Variants in CNTNAP3 observed in about 807,000 individuals in gnomAD.
The protein encoded by CNTNAP3 is contactin-associated protein-like 3.
In CNTNAP3, 36 loss-of-function variants were observed where a neutral mutation model predicts 92.1. The observed-to-expected ratio is 0.39, with a 90% CI of 0.30 to 0.52. CNTNAP3 has a LOEUF of 0.52. CNTNAP3 is among the 20% of genes least tolerant of loss of function. CNTNAP3 has a pLI of 0.76. For missense variants in CNTNAP3, 534 were observed against 1,069.6 expected, an observed-to-expected ratio of 0.50 and a Z score of 6.98; for synonymous variants, 232 against 422.3, an observed-to-expected ratio of 0.55 and a Z score of 5.53.
chr9:39,154,918 C>T (rs1413796132), intron 9 of CNTNAP3: 8 of 201,082 alleles, frequency 4.0e-5, no homozygotes, highest in East Asian at 1.7e-4. Flanking sequence ...TGGGCGACGC[C>T]GCAGAGAAAG....
chr9:39,128,361 A>C (rs1821197524), intron 13 of CNTNAP3, among the ~76,000 whole-genome samples: 1 of 152,132 alleles, frequency 6.6e-6, no homozygotes, highest in Admixed American at 6.5e-5. Context: ...TTAATAAATG[A>C]AACACATTAG....
rs1825545439 is a variant in CNTNAP3, at chr9:39,067,933, T to C, written c.*5957A>G. On this transcript the variant is annotated 3_prime_UTR_variant, in exon 24 of 24. Transcript: ENST00000297668. ...TGGTATAGCCCATGGCAACCACCTC[T>C]ATTCATGGTTGTATGTGAACATGCA... Among the ~76,000 whole-genome samples, 3 of 152,310 alleles carry C rather than the reference T, an allele frequency of 2.0e-5. No individual in the cohort carries two copies. Among genetic ancestry groups the C allele is most frequent in the Admixed American group, 1.3e-4 (2 of 15,294 alleles).
chr9:39,110,988 A>G (rs1826734138), intron 14 of CNTNAP3, among the ~76,000 whole-genome samples: 1 of 152,126 alleles, frequency 6.6e-6, no homozygotes, highest in South Asian at 2.1e-4. Flanking sequence ...ACAATAATTG[A>G]TATTTCATCA....
intron 19 of CNTNAP3, among the ~76,000 whole-genome samples, chr9:39,087,127 G>A (rs1421997699): frequency 1.4e-4 from 21 of 151,948 alleles, no homozygotes; most frequent in Non-Finnish European, 1.8e-4. Context: ...AAAATGAAAA[G>A]GTTTAAATTA....
At chr9:39,093,894 G>A (rs1383755773) in intron 18 of CNTNAP3, among the ~76,000 whole-genome samples, 2 of 151,130 alleles carry the variant, frequency 1.3e-5, no homozygotes, top group Non-Finnish European at 3.0e-5. Context: ...GAATTGCTGG[G>A]TTCGAAGGTA....
At chr9:39,115,908 A>G (rs1413123669) in intron 14 of CNTNAP3, among the ~76,000 whole-genome samples, 1 of 151,286 alleles carries the variant, frequency 6.6e-6, no homozygotes, top group Non-Finnish European at 1.5e-5. Flanking sequence ...AGTCTACAAT[A>G]AAGTATGCAC....
At chr9:39,081,118 G>A (rs1018248672) in intron 21 of CNTNAP3, among the ~76,000 whole-genome samples, 2 of 151,522 alleles carry the variant, frequency 1.3e-5, no homozygotes, top group African/African-American at 4.9e-5. Context: ...TGAAAGAAAG[G>A]CATTCCTTTG....
intron 18 of CNTNAP3, among the ~76,000 whole-genome samples, chr9:39,097,761 T>A (rs1576784): frequency 0.095 from 10,957 of 115,658 alleles, 700 homozygotes; most frequent in East Asian, 0.17. Flanking sequence ...GGGGAGGTGC[T>A]GGGAGAGGGT....
At chr9:39,141,952 G>T (rs1010961337) in intron 11 of CNTNAP3, among the ~76,000 whole-genome samples, 1 of 152,002 alleles carries the variant, frequency 6.6e-6, no homozygotes, top group Non-Finnish European at 1.5e-5. Flanking sequence ...TATACAATTA[G>T]AAATACAAAA....
chr9:39,086,888 T>C, intron 19 of CNTNAP3, 39 bp from the exon 20 acceptor site: 1 of 1,469,328 alleles, frequency 6.8e-7, no homozygotes, highest in Non-Finnish European at 9.3e-7. Flanking sequence ...ATTAAAGTGG[T>C]ATTTTATAAA....
At chr9:39,117,401 A>G (rs541180193) in intron 14 of CNTNAP3, among the ~76,000 whole-genome samples, 3 of 152,212 alleles carry the variant, frequency 2.0e-5, no homozygotes, top group South Asian at 4.1e-4. Context: ...TATTACAAAT[A>G]AAAAAAAGAA....
At chr9:39,134,261 C>T (rs974250739) in intron 12 of CNTNAP3, among the ~76,000 whole-genome samples, 1 of 151,946 alleles carries the variant, frequency 6.6e-6, no homozygotes, top group Non-Finnish European at 1.5e-5. Context: ...GCCACAAGTA[C>T]AGAAAAAAAT....
intron 13 of CNTNAP3, among the ~76,000 whole-genome samples, chr9:39,125,676 T>C (rs1821137878): frequency 6.6e-6 from 1 of 151,924 alleles, no homozygotes; most frequent in Admixed American, 6.6e-5. Flanking sequence ...AAAGCCAGAG[T>C]ATCTAAATTA....
chr9:39,140,885 T>G (rs1160584784), intron 11 of CNTNAP3, among the ~76,000 whole-genome samples: 1 of 152,202 alleles, frequency 6.6e-6, no homozygotes. Context: ...TGTTGTTAGA[T>G]GCTGAATAAA....
intron 14 of CNTNAP3, among the ~76,000 whole-genome samples, chr9:39,114,629 T>C (rs1378014783): frequency 6.6e-6 from 1 of 152,224 alleles, no homozygotes; most frequent in Non-Finnish European, 1.5e-5. Flanking sequence ...AAGCTATAGC[T>C]TCTTTAAAAA....
chr9:39,134,899 AC>A (rs1821393311), intron 12 of CNTNAP3, among the ~76,000 whole-genome samples: 1 of 152,250 alleles, frequency 6.6e-6, no homozygotes, highest in African/African-American at 2.4e-5. Context: ...GATTTGTTGT[AC>A]AATGGGAGAG....
intron 11 of CNTNAP3, among the ~76,000 whole-genome samples, chr9:39,142,075 T>C (rs1198121959): frequency 1.3e-5 from 2 of 152,148 alleles, no homozygotes; most frequent in African/African-American, 4.8e-5. Context: ...TGAAATACTT[T>C]TTCAATCTCC....
intron 21 of CNTNAP3, among the ~76,000 whole-genome samples, chr9:39,084,575 A>C (rs1187783306): frequency 6.6e-6 from 1 of 152,138 alleles, no homozygotes; most frequent in Non-Finnish European, 1.5e-5. Context: ...CTTAGAACAG[A>C]GTGTTTTGGG....
intron 18 of CNTNAP3, among the ~76,000 whole-genome samples, chr9:39,092,757 T>G (rs1409118540): frequency 7.3e-6 from 1 of 137,334 alleles, no homozygotes; most frequent in Non-Finnish European, 1.6e-5. Context: ...TTTTTTCAAC[T>G]CTATTTTCTT....
Sources: allele counts gnomAD v4.1 joint callset (sites outside exome capture counted in the v4.1 genomes callset), GRCh38; gene constraint gnomAD v4.1.1; transcripts MANE v1.5; gene names NCBI Gene and HGNC (gene_info 2026-07-23, HGNC 2026-07-21).